The following AP3B1 variants were observed in gnomAD, a reference collection of about 807,000 sequenced individuals.
AP3B1 encodes the protein AP-3 complex subunit beta-1.
AP3B1 carries 61 observed loss-of-function variants against 132.5 expected under a neutral mutation model. The observed-to-expected ratio is 0.46, with a 90% CI of 0.37 to 0.57. The LOEUF (loss-of-function observed/expected upper bound fraction) is 0.57, where lower values mean the gene tolerates loss of function less well. AP3B1 is among the 20% of genes least tolerant of loss of function. AP3B1 has a pLI of 0.00. For missense variants in AP3B1, 1,120 were observed against 1,289.4 expected (o/e 0.87, Z 2.01); for synonymous variants, 388 against 438.3 (o/e 0.89, Z 1.43).
chr5:78,209,206 C>G (rs891977088), intron 7 of AP3B1, among the ~76,000 whole-genome samples: 3 of 152,024 alleles, frequency 2.0e-5, no homozygotes, highest in African/African-American at 7.2e-5. Flanking sequence ...TAGTTCAGAC[C>G]ATGATAGGAA....
At position 78,159,332 on chromosome 5, in the gene AP3B1, G is replaced by A. The variant is rs577209302; in HGVS notation, c.1364-2965C>T. Among the ~76,000 whole-genome samples the A allele has an allele frequency of 1.0e-3, 154 of 152,224 alleles. 1 individual carries two copies. The highest frequency in any genetic ancestry group is 3.7e-3 in the African/African-American group (152 of 41,552). On this transcript the variant is annotated intron_variant, in intron 13 of 26. Coordinates refer to ENST00000255194, the MANE Select transcript of AP3B1 (RefSeq NM_003664.5). ...TTAGGAACTACATTAGTTTCCTATT[G>A]TTGCTGTCACAGATTACTAAAAACA... is the stretch of plus-strand genomic sequence containing the variant.
In AP3B1 at chr5:78,041,026, A is replaced by G. The variant is rs191815757; in HGVS notation, c.2578-1752T>C. On this transcript the variant is annotated intron_variant, in intron 22 of 26. Transcript: ENST00000255194. ...GCGGTGGCTCACGCCTGTAATTCCAACACTTTGGGAGGCCGAGGTGGGTGG... is the reference window on the plus strand; with the variant it reads ...GCGGTGGCTCACGCCTGTAATTCCAGCACTTTGGGAGGCCGAGGTGGGTGG... Among the ~76,000 whole-genome samples, 838 of 152,234 alleles carry G rather than the reference A, an allele frequency of 5.5e-3. 6 individuals carry two copies. Among genetic ancestry groups the G allele is most frequent in the African/African-American group, 0.019 (802 of 41,546 alleles).
intron 1 of AP3B1, among the ~76,000 whole-genome samples, chr5:78,279,031 C>G (rs1020683718): frequency 6.6e-6 from 1 of 151,920 alleles, no homozygotes; most frequent in Non-Finnish European, 1.5e-5. Flanking sequence ...AAAATGGTAT[C>G]ATATGTTGAT....
chr5:78,201,189 G>T (rs1395880066), intron 7 of AP3B1, among the ~76,000 whole-genome samples: 1 of 152,182 alleles, frequency 6.6e-6, no homozygotes, highest in Non-Finnish European at 1.5e-5. Flanking sequence ...GTGGTATTTT[G>T]TCATGGCAAC....
chr5:78,015,615 A>G (rs950003614), intron 25 of AP3B1, 67 bp from the exon 26 acceptor site: 71 of 1,554,262 alleles, frequency 4.6e-5, no homozygotes, highest in Non-Finnish European at 6.2e-5. Context: ...CAGAATTTTA[A>G]GCTCATGGCC....
At position 78,018,715 on chromosome 5, in the gene AP3B1, T is replaced by C. The variant is rs186243562; in HGVS notation, c.2992+1977A>G. ...ACACACACACACCCCTTAAATTTACTTGCATTTTACCTTCCAGAATTTTGC... is the reference window on the plus strand; with the variant it reads ...ACACACACACACCCCTTAAATTTACCTGCATTTTACCTTCCAGAATTTTGC... On this transcript the variant is annotated intron_variant, in intron 25 of 26. Transcript: ENST00000255194. Among the ~76,000 whole-genome samples, 103 of 151,166 alleles carry C rather than the reference T, an allele frequency of 6.8e-4. 1 individual carries two copies. The highest frequency in any genetic ancestry group is 2.5e-3 in the African/African-American group (102 of 40,922).
intron 21 of AP3B1, among the ~76,000 whole-genome samples, chr5:78,097,665 GC>G (rs1315890449): frequency 6.8e-6 from 1 of 147,994 alleles, no homozygotes; most frequent in Non-Finnish European, 1.5e-5. Flanking sequence ...GGGGGGGTCA[GC>G]CCCCCGCCCG....
At chr5:78,083,984 A>G (rs571852112) in intron 22 of AP3B1, among the ~76,000 whole-genome samples, 2 of 152,350 alleles carry the variant, frequency 1.3e-5, no homozygotes, top group East Asian at 3.8e-4. Flanking sequence ...GAAAGTCATC[A>G]TTTAAACTAA....
intron 24 of AP3B1, 30 bp downstream of exon 24, chr5:78,034,331 T>C (rs1460070903): frequency 5.2e-6 from 8 of 1,539,276 alleles, no homozygotes; most frequent in Non-Finnish European, 7.2e-6. Context: ...TTACAGGTTA[T>C]ATAAAAAATA....
intron 7 of AP3B1, among the ~76,000 whole-genome samples, chr5:78,210,537 T>C (rs890984342): frequency 1.1e-4 from 17 of 152,178 alleles, no homozygotes; most frequent in Non-Finnish European, 2.4e-4. Context: ...CTCCAAATTT[T>C]AAACTGGCAT....
At position 78,002,629 on chromosome 5, in the gene AP3B1, A is replaced by C. The variant is rs1449453109; in HGVS notation, c.*273T>G. 1.9e-5 allele frequency: 11 copies of C among 579,158 alleles called. No individual in the cohort carries two copies. In the East Asian group the frequency reaches 2.2e-4, roughly 12 times the overall value. 35.9% of individuals were successfully genotyped at this position (579,158 alleles called of 1,614,324 possible). Reference sequence around the variant, plus strand: ...AGAAGGAAAACGAGGAGGCCAAAAGAAGCAGCAGGACAGAGAAAACGCCAC... The same window carrying C: ...AGAAGGAAAACGAGGAGGCCAAAAGCAGCAGCAGGACAGAGAAAACGCCAC... On this transcript the variant is annotated 3_prime_UTR_variant, in exon 27 of 27. Coordinates refer to ENST00000255194, the MANE Select transcript of AP3B1 (RefSeq NM_003664.5).
intron 22 of AP3B1, among the ~76,000 whole-genome samples, chr5:78,058,933 C>T (rs1373225342): frequency 6.6e-6 from 1 of 152,184 alleles, no homozygotes; most frequent in Non-Finnish European, 1.5e-5. Flanking sequence ...ATCTGAGTCA[C>T]CTCCTTCTTC....
At chr5:78,223,731 T>G (rs13170700) in intron 6 of AP3B1, among the ~76,000 whole-genome samples, 1,677 of 152,252 alleles carry the variant, frequency 0.011, 14 homozygotes, top group Non-Finnish European at 0.017. Flanking sequence ...AACAGCAAAT[T>G]TATAAATTAG....
At chr5:78,213,052 T>C (rs1464032058) in intron 7 of AP3B1, among the ~76,000 whole-genome samples, 1 of 151,926 alleles carries the variant, frequency 6.6e-6, no homozygotes, top group East Asian at 1.9e-4. Context: ...TAATTTTTTT[T>C]GTATTTTTAG....
intron 2 of AP3B1, among the ~76,000 whole-genome samples, chr5:78,243,914 T>C (rs1053752314): frequency 6.6e-6 from 1 of 152,212 alleles, no homozygotes; most frequent in Non-Finnish European, 1.5e-5. Flanking sequence ...AAAGACATCA[T>C]TAAATATTTA....
chr5:78,044,973 C>T (rs543430828), intron 22 of AP3B1, among the ~76,000 whole-genome samples: 6 of 152,288 alleles, frequency 3.9e-5, no homozygotes, highest in African/African-American at 1.4e-4. Context: ...CTTACAACCT[C>T]CAAAGGTTAT....
At chr5:78,082,257 C>G (rs1242043962) in intron 22 of AP3B1, among the ~76,000 whole-genome samples, 1 of 152,190 alleles carries the variant, frequency 6.6e-6, no homozygotes, top group Non-Finnish European at 1.5e-5. Flanking sequence ...TGACTGAATC[C>G]TTCCTCCTAT....
intron 24 of AP3B1, among the ~76,000 whole-genome samples, chr5:78,024,506 C>A (rs1325721116): frequency 6.6e-6 from 1 of 151,670 alleles, no homozygotes; most frequent in Non-Finnish European, 1.5e-5. Flanking sequence ...GCTCCTATCT[C>A]AGCCTCCCAA....
chr5:78,033,529 CTT>C (rs1747667591), intron 24 of AP3B1, among the ~76,000 whole-genome samples: 1 of 151,966 alleles, frequency 6.6e-6, no homozygotes, highest in South Asian at 2.1e-4. Flanking sequence ...AACTTCAAGA[CTT>C]TTAAATCATA....
Sources: allele counts gnomAD v4.1 joint callset (sites outside exome capture counted in the v4.1 genomes callset), GRCh38; gene constraint gnomAD v4.1.1; transcripts MANE v1.5; gene names NCBI Gene and HGNC (gene_info 2026-07-23, HGNC 2026-07-21).